The following LPCAT1 variants were observed in gnomAD, a reference collection of about 807,000 sequenced individuals.
LPCAT1 encodes 1-acylglycerol-3-phosphate O-acyltransferase.
A neutral mutation model predicts 60.9 loss-of-function variants in LPCAT1; 23 were observed. The observed-to-expected ratio is 0.38, with a 90% CI of 0.27 to 0.53. LPCAT1 has a LOEUF of 0.53. Ranked by LOEUF, LPCAT1 falls within the 20% of genes least tolerant of loss-of-function variation. The probability of loss-of-function intolerance (pLI) is 0.82; values close to 1 mark genes in which losing one functional copy is unlikely to be tolerated. For missense variants in LPCAT1, 622 were observed against 723.6 expected (o/e 0.86, Z 1.61); for synonymous variants, 340 against 301.1 (o/e 1.13, Z -1.34).
chr5:1,469,971 G>A (rs1056856602), intron 12 of LPCAT1, among the ~76,000 whole-genome samples: 2 of 152,202 alleles, frequency 1.3e-5, no homozygotes, highest in East Asian at 1.9e-4. Flanking sequence ...TCCTGCCTGG[G>A]GAGACCCCCA....
intron 1 of LPCAT1, among the ~76,000 whole-genome samples, chr5:1,519,608 C>A (rs919529394): frequency 6.6e-6 from 1 of 152,226 alleles, no homozygotes; most frequent in Non-Finnish European, 1.5e-5. Flanking sequence ...TAAGCCAGCC[C>A]ACGCTGCCCT....
chr5:1,516,147 G>A (rs1026648382), intron 1 of LPCAT1, among the ~76,000 whole-genome samples: 4 of 152,208 alleles, frequency 2.6e-5, no homozygotes, highest in Admixed American at 2.0e-4. Context: ...TGACCTGATC[G>A]CTCTAAGGTG....
rs1230444091 is a variant in LPCAT1 at position 1,461,884 on chromosome 5, T to A, written c.*1767A>T. ...CAGGCTCTTCTCCTTGAAAAATGAATCTTTACGCATTCTCCAATTATAAAA... is the reference window on the plus strand; with the variant it reads ...CAGGCTCTTCTCCTTGAAAAATGAAACTTTACGCATTCTCCAATTATAAAA... On this transcript the variant is annotated 3_prime_UTR_variant, in exon 14 of 14. Coordinates refer to ENST00000283415, the MANE Select transcript of LPCAT1 (RefSeq NM_024830.5). The A allele has an allele frequency of 6.6e-6, 1 of 152,620 alleles. No homozygotes were observed. Among genetic ancestry groups the A allele is most frequent in the African/African-American group, 2.4e-5 (1 of 41,448 alleles). The allele number at this position is 152,620 out of a possible 1,614,324, so 9.5% of individuals were successfully genotyped here. A position where few individuals can be genotyped will look rare whatever the true frequency, so the allele number is the denominator to read the frequency against.
chr5:1,494,974 G>C, intron 2 of LPCAT1, 60 bp from the exon 3 acceptor site: 1 of 1,465,436 alleles, frequency 6.8e-7, no homozygotes, highest in Non-Finnish European at 9.3e-7. Flanking sequence ...GTCTGTGTGA[G>C]GCACAGGGGC....
At chr5:1,498,711 GAT>G (rs1388976390) in intron 2 of LPCAT1, among the ~76,000 whole-genome samples, 6 of 151,888 alleles carry the variant, frequency 4.0e-5, no homozygotes, top group African/African-American at 1.5e-4. Context: ...ATGTGCACAC[GAT>G]ACAGACATCC....
At chr5:1,505,218 C>T (rs1224326622) in intron 1 of LPCAT1, among the ~76,000 whole-genome samples, 2 of 146,128 alleles carry the variant, frequency 1.4e-5, no homozygotes, top group African/African-American at 5.2e-5. Context: ...GAAACAGCAC[C>T]GACTACAACT....
At position 1,503,735 on chromosome 5, in the gene LPCAT1, CT is replaced by C. The variant is rs892703304; in HGVS notation, c.136-2133del. Among the ~76,000 whole-genome samples the C allele has an allele frequency of 5.3e-5, 8 of 151,148 alleles. No homozygotes were observed. The East Asian group carries it at 5.8e-4, about 11-fold the overall frequency. On this transcript the variant is annotated intron_variant, in intron 1 of 13. Coordinates refer to ENST00000283415, the MANE Select transcript of LPCAT1 (RefSeq NM_024830.5). The stretch of plus-strand genomic sequence containing the variant: ...TCCAACCCTACTGTTTATAGAGTCC[CT>C]TTTTTTTTGGGTTGACTTCACTGTT...
chr5:1,515,364 C>T (rs1200107277), intron 1 of LPCAT1, among the ~76,000 whole-genome samples: 1 of 152,066 alleles, frequency 6.6e-6, no homozygotes, highest in Non-Finnish European at 1.5e-5. Flanking sequence ...CCCAGCACAT[C>T]CTGGCCCAAA....
At chr5:1,494,409 C>T (rs1229315199) in intron 3 of LPCAT1, among the ~76,000 whole-genome samples, 4 of 146,176 alleles carry the variant, frequency 2.7e-5, no homozygotes, top group Admixed American at 6.7e-5. Flanking sequence ...CTCCCAGCAG[C>T]GTGGTGGGGG....
chr5:1,511,640 A>C (rs13190080), intron 1 of LPCAT1, among the ~76,000 whole-genome samples: 4 of 152,200 alleles, frequency 2.6e-5, no homozygotes, highest in African/African-American at 9.6e-5. Flanking sequence ...TGTACGCCTC[A>C]CTCACTCTGC....
rs957370843 is a variant in LPCAT1, at chr5:1,504,027, T to G, written c.136-2424A>C. On this transcript the variant is annotated intron_variant, in intron 1 of 13. Transcript: ENST00000283415. The stretch of plus-strand genomic sequence containing the variant: ...TTTGTTCATTCTCTCTGTTGTGACC[T>G]AATCATATTAATTTTGGCTCTTATT... Among the ~76,000 whole-genome samples, 6 of 152,384 alleles carry G rather than the reference T, an allele frequency of 3.9e-5. No homozygotes were observed. In the South Asian group the frequency reaches 6.2e-4, roughly 16 times the overall value.
At chr5:1,482,634 TG>T (rs1315582684) in intron 6 of LPCAT1, among the ~76,000 whole-genome samples, 1 of 45,260 alleles carries the variant, frequency 2.2e-5, no homozygotes, top group Non-Finnish European at 4.7e-5. Context: ...TGGGGTGGGC[TG>T]GGGTGGGGCA....
Position 1,501,508 on chromosome 5 carries a change from C to T in LPCAT1, c.231G>A (p.Leu77=), listed in dbSNP as rs756708254. The T allele has an allele frequency of 1.2e-5, 20 of 1,613,762 alleles. No individual in the cohort carries two copies. Among genetic ancestry groups the T allele is most frequent in the Admixed American group, 1.7e-5 (1 of 60,004 alleles). ...LAWPLALVAS[L]GSAEKEPEQP... ...GCTCGGGTTCCTTCTCCGCAGAGCC[C>T]AGGGATGCGACAAGTGCGAGGGGCC... is the stretch of plus-strand genomic sequence containing the variant. The change falls in exon 2 of 14, where the codon CTG becomes CTA. Residue 77 remains leucine, a synonymous_variant. Coordinates refer to ENST00000283415, the MANE Select transcript of LPCAT1 (RefSeq NM_024830.5).
chr5:1,484,379 C>T (rs7733853), intron 5 of LPCAT1, among the ~76,000 whole-genome samples: 44,438 of 152,188 alleles, frequency 0.29, 6,813 homozygotes, highest in East Asian at 0.45. Flanking sequence ...CTATTTAAAT[C>T]TCTATTGAAA....
Position 1,483,498 on chromosome 5 carries a change from GGAACAGC to G in LPCAT1, c.668-19_668-13del. The G allele has an allele frequency of 6.2e-7, 1 of 1,613,512 alleles. No individual in the cohort carries two copies. The highest frequency in any genetic ancestry group is 8.5e-7 in the Non-Finnish European group (1 of 1,179,812). Reference sequence around the variant, plus strand: ...AGGGATGAATGCACCTGCCGAGAAAGGAACAGCGGTGTTGCCCATGGCAGCCCACGCA... The same window carrying G: ...AGGGATGAATGCACCTGCCGAGAAAGGGTGTTGCCCATGGCAGCCCACGCA... On this transcript the variant is annotated splice_polypyrimidine_tract_variant and intron_variant, in intron 5 of 13. Coordinates refer to ENST00000283415, the MANE Select transcript of LPCAT1 (RefSeq NM_024830.5). The surrounding 1 kb of genome is among the most constrained non-coding windows in gnomAD (Gnocchi z 9.2).
intron 3 of LPCAT1, among the ~76,000 whole-genome samples, chr5:1,493,933 C>A (rs1735682179): frequency 6.6e-6 from 1 of 152,230 alleles, no homozygotes; most frequent in Non-Finnish European, 1.5e-5. Context: ...AGAGGAGACA[C>A]TTGGAGGGAG....
Position 1,523,637 on chromosome 5 carries a change from G to C in LPCAT1, c.135+73C>G. 3.9e-6 allele frequency: 4 copies of C among 1,013,448 alleles called. No homozygotes were observed. The highest frequency in any genetic ancestry group is 4.7e-6 in the Non-Finnish European group (4 of 844,068). 62.8% of individuals were successfully genotyped at this position (1,013,448 alleles called of 1,614,324 possible). On this transcript the variant is annotated intron_variant, in intron 1 of 13. Coordinates refer to ENST00000283415, the MANE Select transcript of LPCAT1 (RefSeq NM_024830.5). The surrounding 1 kb of genome is among the most constrained non-coding windows in gnomAD (Gnocchi z 7.1). ...CAGGCCCCCTCCCCGGCCCCTCCTC[G>C]GCCGCGCCTCCCTGGCCCCAGCATC...
chr5:1,472,311 G>A (rs1734715918), intron 11 of LPCAT1, among the ~76,000 whole-genome samples: 1 of 152,168 alleles, frequency 6.6e-6, no homozygotes, highest in Non-Finnish European at 1.5e-5. Context: ...CTACGCTTGT[G>A]TCAACCACAG....
At chr5:1,474,333 T>C (rs1268835745) in intron 10 of LPCAT1, among the ~76,000 whole-genome samples, 1 of 152,242 alleles carries the variant, frequency 6.6e-6, no homozygotes, top group Non-Finnish European at 1.5e-5. Flanking sequence ...CCAGGGCAGA[T>C]GTGGCAGGAC....
Sources: allele counts gnomAD v4.1 joint callset (sites outside exome capture counted in the v4.1 genomes callset), GRCh38; gene constraint gnomAD v4.1.1; non-coding constraint Gnocchi (gnomAD v3.1); transcripts MANE v1.5; gene names NCBI Gene and HGNC (gene_info 2026-07-23, HGNC 2026-07-21).